Variants in SH3BGRL observed in about 807,000 individuals in gnomAD.
The protein encoded by SH3BGRL is SH3 domain binding glutamate rich protein like.
Under a neutral mutation model 9.8 loss-of-function variants are expected in SH3BGRL, and 7 were observed. The observed-to-expected ratio is 0.72, with a 90% CI of 0.41 to 1.35. SH3BGRL has a LOEUF of 1.35. SH3BGRL is among the 40% of genes most tolerant of loss of function. SH3BGRL has a pLI of 0.01. For missense variants in SH3BGRL, 73 were observed against 84.4 expected (o/e 0.86, Z 0.53); for synonymous variants, 36 against 29.1 (o/e 1.24, Z -0.76).
intron 1 of SH3BGRL, among the ~76,000 whole-genome samples, chrX:81,247,139 CT>C (rs1441423531): frequency 1.8e-5 from 2 of 111,767 alleles, no homozygotes; most frequent in Non-Finnish European, 3.8e-5. Flanking sequence ...AGAAATGGTA[CT>C]GATTTGTGTA....
At chrX:81,280,473 C>T (rs1427745885) in intron 3 of SH3BGRL, among the ~76,000 whole-genome samples, 1 of 111,807 alleles carries the variant, frequency 8.9e-6, no homozygotes, top group Non-Finnish European at 1.9e-5. Context: ...CTGAGAGACC[C>T]ATAGATGGTT....
chrX:81,219,848 A>G (rs1177341744), intron 1 of SH3BGRL, among the ~76,000 whole-genome samples: 1 of 111,506 alleles, frequency 9.0e-6, no homozygotes, highest in Non-Finnish European at 1.9e-5. Flanking sequence ...ATTTTATCAA[A>G]TGCTTTTTTA....
At chrX:81,248,629 C>T (rs1014803286) in intron 1 of SH3BGRL, among the ~76,000 whole-genome samples, 3 of 112,634 alleles carry the variant, frequency 2.7e-5, no homozygotes, top group South Asian at 3.6e-4. Context: ...TGGCAAGGGA[C>T]TAAAATGCCT....
chrX:81,241,471 A>G (rs2075669353), intron 1 of SH3BGRL, among the ~76,000 whole-genome samples: 1 of 111,754 alleles, frequency 8.9e-6, no homozygotes, highest in Non-Finnish European at 1.9e-5. Context: ...TGGCCCACCC[A>G]TGGCTCCCCA....
chrX:81,222,364 T>G (rs1168462029), intron 1 of SH3BGRL, among the ~76,000 whole-genome samples: 1 of 83,961 alleles, frequency 1.2e-5, no homozygotes, highest in East Asian at 4.1e-4. Context: ...GATGTTCCCC[T>G]TCCTGTGTCC....
chrX:81,256,377 T>C (rs1160551300), intron 1 of SH3BGRL, among the ~76,000 whole-genome samples: 1 of 112,205 alleles, frequency 8.9e-6, no homozygotes, highest in African/African-American at 3.2e-5. Flanking sequence ...CTCCACAGTA[T>C]TTAACTGCCA....
chrX:81,255,829 G>A (rs1359926874), intron 1 of SH3BGRL, among the ~76,000 whole-genome samples: 1 of 112,265 alleles, frequency 8.9e-6, no homozygotes, highest in Non-Finnish European at 1.9e-5. Flanking sequence ...TGTATTGAGA[G>A]AAAATTTGGT....
intron 1 of SH3BGRL, among the ~76,000 whole-genome samples, chrX:81,240,165 G>A (rs2075663485): frequency 8.9e-6 from 1 of 112,271 alleles, no homozygotes; most frequent in African/African-American, 3.2e-5. Flanking sequence ...CTTATCCTGA[G>A]TAGAAGAACT....
intron 3 of SH3BGRL, among the ~76,000 whole-genome samples, chrX:81,294,602 C>G (rs986756761): frequency 9.0e-6 from 1 of 110,973 alleles, no homozygotes; most frequent in African/African-American, 3.3e-5. Context: ...TCTGCTAGGG[C>G]AGTGCAGAAG....
intron 1 of SH3BGRL, among the ~76,000 whole-genome samples, chrX:81,247,062 C>A (rs1434929047): frequency 9.0e-6 from 1 of 111,652 alleles, no homozygotes; most frequent in Non-Finnish European, 1.9e-5. Flanking sequence ...GCATTTTATT[C>A]TTTTGTGCCT....
intron 1 of SH3BGRL, among the ~76,000 whole-genome samples, chrX:81,221,575 A>G (rs776791500): frequency 1.8e-5 from 2 of 111,730 alleles, no homozygotes; most frequent in East Asian, 2.8e-4. Context: ...AACAATCCCT[A>G]CTGCAAACAT....
At chrX:81,222,219 C>T (rs1046381673) in intron 1 of SH3BGRL, among the ~76,000 whole-genome samples, 2 of 110,656 alleles carry the variant, frequency 1.8e-5, no homozygotes, top group Non-Finnish European at 3.8e-5. Context: ...ATGTGCACAA[C>T]GTGCAGGTTT....
At chrX:81,276,053 A>G (rs930793008) in intron 1 of SH3BGRL, among the ~76,000 whole-genome samples, 1 of 111,115 alleles carries the variant, frequency 9.0e-6, no homozygotes, top group Non-Finnish European at 1.9e-5. Flanking sequence ...ATGTGATTCC[A>G]TGAAGAAACT....
At chrX:81,296,929 G>A (rs1186993158) in intron 3 of SH3BGRL, among the ~76,000 whole-genome samples, 1 of 111,508 alleles carries the variant, frequency 9.0e-6, no homozygotes, top group East Asian at 2.8e-4. Context: ...CTATTTTTAA[G>A]TAAAATATCA....
At chrX:81,257,775 G>A (rs1411808862) in intron 1 of SH3BGRL, among the ~76,000 whole-genome samples, 1 of 110,784 alleles carries the variant, frequency 9.0e-6, no homozygotes, top group Non-Finnish European at 1.9e-5. Flanking sequence ...AGCATACAAG[G>A]GAGTGAACAC....
intron 3 of SH3BGRL, among the ~76,000 whole-genome samples, chrX:81,285,262 A>G (rs1320864691): frequency 8.9e-6 from 1 of 111,894 alleles, no homozygotes; most frequent in Non-Finnish European, 1.9e-5. Flanking sequence ...TGAATTGATA[A>G]TAAAAGTTAT....
intron 1 of SH3BGRL, among the ~76,000 whole-genome samples, chrX:81,275,821 T>C (rs759938944): frequency 8.9e-6 from 1 of 111,986 alleles, no homozygotes; most frequent in Non-Finnish European, 1.9e-5. Flanking sequence ...CCCGAGTTTA[T>C]GTGATGAGAG....
intron 2 of SH3BGRL, 82 bp from the exon 3 acceptor site, chrX:81,278,249 C>T (rs2075804613): frequency 1.4e-6 from 1 of 693,142 alleles, no homozygotes; most frequent in African/African-American, 2.2e-5. Context: ...AGGCGTGAGC[C>T]ACTGCTTTCG....
intron 1 of SH3BGRL, among the ~76,000 whole-genome samples, chrX:81,204,195 G>A (rs1051331075): frequency 2.7e-5 from 3 of 112,074 alleles, no homozygotes; most frequent in Admixed American, 9.5e-5. Context: ...TTTATCTACT[G>A]TAGTAATTAT....
Sources: allele counts gnomAD v4.1 joint callset (sites outside exome capture counted in the v4.1 genomes callset), GRCh38; gene constraint gnomAD v4.1.1; transcripts MANE v1.5; gene names NCBI Gene and HGNC (gene_info 2026-07-23, HGNC 2026-07-21).